PCCA: variants seen among roughly 807,000 people sequenced by gnomAD.
The protein encoded by PCCA is propionyl-CoA carboxylase alpha chain, mitochondrial.
PCCA carries 74 observed loss-of-function variants against 101.3 expected under a neutral mutation model. The observed-to-expected ratio is 0.73, with a 90% CI of 0.61 to 0.89. The LOEUF is 0.89. Ranked by LOEUF, PCCA falls within the 40% of genes least tolerant of loss-of-function variation. The pLI, the probability that PCCA is intolerant of heterozygous loss-of-function variation, is 0.00. For synonymous variants in PCCA, 294 were observed against 313.6 expected, an observed-to-expected ratio of 0.94 and a Z score of 0.66; for missense variants, 891 against 907.0, an observed-to-expected ratio of 0.98 and a Z score of 0.23.
chr13:100,181,797 G>A (rs1170498074), intron 6 of PCCA, among the ~76,000 whole-genome samples: 20 of 137,160 alleles, frequency 1.5e-4, no homozygotes, highest in African/African-American at 5.2e-4. Flanking sequence ...ATGGAATCTC[G>A]CTCTGTCGCC....
intron 8 of PCCA, chr13:100,236,500 G>T (rs1358723364): frequency 4.7e-5 from 7 of 150,452 alleles, no homozygotes; most frequent in South Asian, 2.1e-4. Context: ...TGCTGTCATT[G>T]CCCAGGCTGG....
chr13:100,228,831 T>C (rs1456932833), intron 7 of PCCA, among the ~76,000 whole-genome samples: 1 of 143,718 alleles, frequency 7.0e-6, no homozygotes, highest in East Asian at 2.0e-4. Flanking sequence ...ACCTGGGAGG[T>C]GGAGGTTGCA....
At chr13:100,468,466 C>T (rs2082709736) in intron 21 of PCCA, among the ~76,000 whole-genome samples, 1 of 152,212 alleles carries the variant, frequency 6.6e-6, no homozygotes, top group Non-Finnish European at 1.5e-5. Context: ...TTTAGTGTGG[C>T]CACCTTCATC....
At chr13:100,498,463 A>T (rs1044495304) in intron 21 of PCCA, among the ~76,000 whole-genome samples, 2 of 152,182 alleles carry the variant, frequency 1.3e-5, no homozygotes, top group African/African-American at 4.8e-5. Context: ...TTACAAATTC[A>T]TATGGCCAAA....
intron 18 of PCCA, among the ~76,000 whole-genome samples, chr13:100,351,039 T>G (rs1760180003): frequency 6.6e-6 from 1 of 152,234 alleles, no homozygotes; most frequent in South Asian, 2.1e-4. Flanking sequence ...ACATGCTTAA[T>G]GTTGCATTAA....
At chr13:100,268,806 A>G (rs1288166338) in intron 11 of PCCA, 23 bp downstream of exon 11, 6 of 1,504,076 alleles carry the variant, frequency 4.0e-6, no homozygotes, top group Non-Finnish European at 5.6e-6. Flanking sequence ...AGAAACATTT[A>G]TAAAGCGGCT....
chr13:100,498,385 A>G lies in PCCA; in HGVS notation c.1900-17042A>G, dbSNP rs532610501. On this transcript the variant is annotated intron_variant, in intron 21 of 23. Transcript: ENST00000376285. ...CATACCAAAAACAAGAGAGAGAGAA[A>G]GAGGAAAGCCACAAATCAGTTGGAA... Among the ~76,000 whole-genome samples, 12 of 152,256 alleles carry G rather than the reference A, an allele frequency of 7.9e-5. No individual in the cohort carries two copies. The South Asian group carries it at 1.9e-3, about 24-fold the overall frequency.
intron 20 of PCCA, among the ~76,000 whole-genome samples, chr13:100,442,295 GTCCTTCCTTCCT>G (rs76386150): frequency 6.6e-6 from 1 of 151,860 alleles, no homozygotes; most frequent in African/African-American, 2.4e-5. Flanking sequence ...CGCCTGGCCT[GTCCTTCCTTCCT>G]TCCTTCCTTT....
intron 15 of PCCA, among the ~76,000 whole-genome samples, chr13:100,309,524 T>G (rs2152696729): frequency 6.6e-6 from 1 of 152,324 alleles, no homozygotes; most frequent in South Asian, 2.1e-4. Flanking sequence ...AAATCCTATC[T>G]CATATATTCA....
At chr13:100,397,389 A>T (rs1475821046) in intron 19 of PCCA, among the ~76,000 whole-genome samples, 1 of 152,128 alleles carries the variant, frequency 6.6e-6, no homozygotes, top group Non-Finnish European at 1.5e-5. Context: ...TGTGAGTGTG[A>T]TGTATATTAA....
At chr13:100,300,019 C>T (rs2065933697) in intron 12 of PCCA, among the ~76,000 whole-genome samples, 1 of 152,236 alleles carries the variant, frequency 6.6e-6, no homozygotes, top group Non-Finnish European at 1.5e-5. Flanking sequence ...CATCCAGGTT[C>T]ACCTCTTGAG....
chr13:100,370,948 C>G (rs569445692), intron 19 of PCCA, among the ~76,000 whole-genome samples: 6 of 152,170 alleles, frequency 3.9e-5, no homozygotes, highest in African/African-American at 1.4e-4. Flanking sequence ...TTACTGAGCA[C>G]ACAGTAAAGC....
chr13:100,346,247 G>A (rs1222718310), intron 18 of PCCA, among the ~76,000 whole-genome samples: 3 of 152,168 alleles, frequency 2.0e-5, no homozygotes, highest in Non-Finnish European at 4.4e-5. Flanking sequence ...TTCTGGGAAG[G>A]ATTCACCATT....
intron 6 of PCCA, among the ~76,000 whole-genome samples, chr13:100,196,619 C>G (rs2058119111): frequency 1.3e-5 from 2 of 152,188 alleles, no homozygotes; most frequent in South Asian, 4.1e-4. Context: ...AATACTGAAA[C>G]AGAAAGACAC....
chr13:100,387,061 G>T (rs966909657), intron 19 of PCCA, among the ~76,000 whole-genome samples: 1 of 152,280 alleles, frequency 6.6e-6, no homozygotes, highest in Non-Finnish European at 1.5e-5. Flanking sequence ...AATCAGAAAA[G>T]CAGCTGGCTC....
At chr13:100,240,034 C>G (rs2061024254) in intron 8 of PCCA, among the ~76,000 whole-genome samples, 1 of 152,244 alleles carries the variant, frequency 6.6e-6, no homozygotes, top group African/African-American at 2.4e-5. Flanking sequence ...TACTACCACT[C>G]TCCTCCAAAC....
At chr13:100,105,844 C>CAAAAA (rs71114671) in intron 2 of PCCA, among the ~76,000 whole-genome samples, 105 of 62,468 alleles carry the variant, frequency 1.7e-3, no homozygotes, top group Non-Finnish European at 2.4e-3. Flanking sequence ...GATCCTGTCT[C>CAAAAA]AAAAAAAAAA....
At chr13:100,529,157 C>T (rs1399905112) in intron 23 of PCCA, among the ~76,000 whole-genome samples, 3 of 152,258 alleles carry the variant, frequency 2.0e-5, no homozygotes, top group Non-Finnish European at 4.4e-5. Flanking sequence ...CCGAAGCCCC[C>T]GTGCAAAGTA....
chr13:100,290,008 T>C (rs1385225355), intron 12 of PCCA, among the ~76,000 whole-genome samples: 7 of 152,198 alleles, frequency 4.6e-5, no homozygotes, highest in Non-Finnish European at 1.0e-4. Context: ...TATGTTTCTT[T>C]AGCCCTGAAC....
Sources: allele counts gnomAD v4.1 joint callset (sites outside exome capture counted in the v4.1 genomes callset), GRCh38; gene constraint gnomAD v4.1.1; transcripts MANE v1.5; gene names NCBI Gene and HGNC (gene_info 2026-07-23, HGNC 2026-07-21).